Variants in TNS3 observed in about 807,000 individuals in gnomAD.
TNS3 encodes tensin-3.
In TNS3, 45 loss-of-function variants were observed where a neutral mutation model predicts 140.9. The observed-to-expected ratio is 0.32, with a 90% confidence interval of 0.25 to 0.41. TNS3 has a LOEUF of 0.41. TNS3 is among the 10% of genes least tolerant of loss of function. The pLI, the probability that TNS3 is intolerant of heterozygous loss-of-function variation, is 1.00. For synonymous variants in TNS3, 815 were observed against 788.4 expected, an observed-to-expected ratio of 1.03 and a Z score of -0.56; for missense variants, 1,716 against 1,906.7, an observed-to-expected ratio of 0.90 and a Z score of 1.86.
chr7:47,428,135 T>C (rs962778566), intron 9 of TNS3, among the ~76,000 whole-genome samples, 177 bp downstream of exon 9: 1 of 152,052 alleles, frequency 6.6e-6, no homozygotes, highest in Non-Finnish European at 1.5e-5. Context: ...TTCACAAGTG[T>C]AAACGCTTAA....
At chr7:47,450,850 C>T (rs1795981107) in intron 4 of TNS3, among the ~76,000 whole-genome samples, 1 of 152,178 alleles carries the variant, frequency 6.6e-6, no homozygotes, top group Non-Finnish European at 1.5e-5. Flanking sequence ...AGAAAAGAAG[C>T]CCTTGGCAGG....
At chr7:47,404,456 C>T (rs12702337) in intron 13 of TNS3, among the ~76,000 whole-genome samples, 18,440 of 152,140 alleles carry the variant, frequency 0.12, 1,484 homozygotes, top group Non-Finnish European at 0.18. Flanking sequence ...AGAGAGAGGG[C>T]ACTTGGTACT....
At chr7:47,412,355 AC>A (rs1313351688) in intron 12 of TNS3, among the ~76,000 whole-genome samples, 21 of 152,372 alleles carry the variant, frequency 1.4e-4, no homozygotes, top group African/African-American at 4.6e-4. Context: ...GACATGGCTC[AC>A]GCCTGTAATC....
At chr7:47,551,719 CAA>C in intron 1 of TNS3, among the ~76,000 whole-genome samples, 1 of 152,330 alleles carries the variant, frequency 6.6e-6, no homozygotes, top group East Asian at 1.9e-4. Context: ...CCCACACAGG[CAA>C]AGTTAAGTCA....
chr7:47,315,501 C>G (rs1787346243), intron 20 of TNS3, among the ~76,000 whole-genome samples: 1 of 152,216 alleles, frequency 6.6e-6, no homozygotes, highest in Non-Finnish European at 1.5e-5. Flanking sequence ...GGGCCCTTTT[C>G]CAAACGATCT....
intron 2 of TNS3, among the ~76,000 whole-genome samples, chr7:47,526,059 C>A (rs768420602): frequency 1.3e-5 from 2 of 152,244 alleles, no homozygotes. Flanking sequence ...CCAAGACGTG[C>A]TTGCGCGTTT....
intron 2 of TNS3, 64 bp from the exon 3 acceptor site, chr7:47,507,008 C>T (rs1370589528): frequency 1.6e-6 from 2 of 1,229,726 alleles, no homozygotes; most frequent in Non-Finnish European, 2.1e-6. Flanking sequence ...ATTCTTACAT[C>T]TTCAAACCCT....
intron 1 of TNS3, chr7:47,579,566 G>C (rs1466681286): frequency 6.6e-6 from 1 of 152,206 alleles, no homozygotes; most frequent in Admixed American, 6.5e-5. Flanking sequence ...CCTCAGGAAG[G>C]TGGAAAGTTC....
At chr7:47,417,645 A>G (rs1245737963) in intron 10 of TNS3, among the ~76,000 whole-genome samples, 2 of 152,232 alleles carry the variant, frequency 1.3e-5, no homozygotes, top group African/African-American at 4.8e-5. Context: ...TTTATAGAAA[A>G]CAACTTTTTA....
At chr7:47,534,003 G>A (rs1562838662) in intron 1 of TNS3, among the ~76,000 whole-genome samples, 1 of 152,186 alleles carries the variant, frequency 6.6e-6, no homozygotes, top group Non-Finnish European at 1.5e-5. Flanking sequence ...GCCAAGCGCG[G>A]TGGCTCATGC....
chr7:47,306,857 G>A (rs1313005776), intron 20 of TNS3, among the ~76,000 whole-genome samples: 1 of 152,236 alleles, frequency 6.6e-6, no homozygotes, highest in African/African-American at 2.4e-5. Flanking sequence ...GATTACAGGT[G>A]TGAGCCACCA....
intron 8 of TNS3, among the ~76,000 whole-genome samples, chr7:47,430,007 A>G (rs1015008833): frequency 2.0e-5 from 3 of 152,224 alleles, no homozygotes; most frequent in African/African-American, 7.2e-5. Flanking sequence ...ATTCACCTAC[A>G]AAGAAACAAC....
chr7:47,361,835 G>C (rs766964202), intron 17 of TNS3, among the ~76,000 whole-genome samples: 11 of 152,122 alleles, frequency 7.2e-5, no homozygotes, highest in African/African-American at 2.7e-4. Flanking sequence ...GGGCCTGCCA[G>C]GTTGCTGTCA....
Position 47,496,209 on chromosome 7 carries a change from G to T in TNS3, c.-115+10698C>A, listed in dbSNP as rs1798002065. On this transcript the variant is annotated intron_variant, in intron 3 of 30. Transcript: ENST00000311160. ...GGTGGTCTGAAAAAAGGGGTAGTAA[G>T]ATAAGCACGTCAAAAAAGGACATCA... Among the ~76,000 whole-genome samples, 3 of 152,230 alleles carry T rather than the reference G, an allele frequency of 2.0e-5. No homozygotes were observed. In the South Asian group the frequency reaches 6.2e-4, roughly 32 times the overall value.
At chr7:47,429,231 C>T (rs1299372036) in intron 8 of TNS3, among the ~76,000 whole-genome samples, 1 of 152,158 alleles carries the variant, frequency 6.6e-6, no homozygotes, top group Non-Finnish European at 1.5e-5. Flanking sequence ...TTTCAGTGTC[C>T]AAACACAAAG....
rs367768892 is a variant in TNS3 at position 47,302,990 on chromosome 7, G to A, written c.3417C>T (p.Pro1139=). ...CCGCTTCTGAAGCCTTGGAAAAGTCGGGAAGGACATTTGGGAAGGGGATAC... is the reference window on the plus strand; with the variant it reads ...CCGCTTCTGAAGCCTTGGAAAAGTCAGGAAGGACATTTGGGAAGGGGATAC... ...TISIPFPNVL[P]DFSKASEAAS... is the part of the protein sequence containing the mutation. The change falls in exon 22 of 31, where the codon CCC becomes CCT. Residue 1139 remains proline (P), a synonymous_variant. Coordinates refer to ENST00000311160, the MANE Select transcript of TNS3 (RefSeq NM_022748.12). The A allele has an allele frequency of 1.9e-5, 31 of 1,612,448 alleles. No homozygotes were observed. The highest frequency in any genetic ancestry group is 1.3e-4 in the African/African-American group (10 of 74,912).
intron 2 of TNS3, among the ~76,000 whole-genome samples, chr7:47,525,033 A>G (rs543505730): frequency 1.3e-5 from 2 of 152,168 alleles, no homozygotes; most frequent in African/African-American, 4.8e-5. Flanking sequence ...ACTGACCAAA[A>G]ATCTATTTCA....
intron 4 of TNS3, among the ~76,000 whole-genome samples, chr7:47,455,606 G>C (rs1480111824): frequency 2.6e-5 from 4 of 152,172 alleles, no homozygotes; most frequent in African/African-American, 9.7e-5. Flanking sequence ...AGAGGGGAAA[G>C]ACCAGGATGG....
intron 4 of TNS3, among the ~76,000 whole-genome samples, chr7:47,447,602 C>T (rs1375212882): frequency 6.6e-6 from 1 of 152,152 alleles, no homozygotes; most frequent in Non-Finnish European, 1.5e-5. Context: ...CACACTAGGG[C>T]AAACCTGCTT....
Sources: gnomAD v4.1 joint callset for allele counts (sites outside exome capture counted in the v4.1 genomes callset) on GRCh38, gnomAD v4.1.1 for gene constraint, MANE v1.5 for transcripts, NCBI Gene and HGNC (gene_info 2026-07-23, HGNC 2026-07-21) for gene names.